RERE: variants seen among roughly 807,000 people sequenced by gnomAD.
RERE encodes arginine-glutamic acid dipeptide repeats protein.
In RERE, 40 loss-of-function variants were observed where a neutral mutation model predicts 146.1. The ratio of observed to expected loss-of-function variants is 0.27; its 90% CI spans 0.21 to 0.36. The LOEUF (loss-of-function observed/expected upper bound fraction) is 0.36, where lower values mean the gene tolerates loss of function less well. Among genes scored for constraint, RERE ranks in the 10% least tolerant of loss-of-function variants. The pLI, the probability that RERE is intolerant of heterozygous loss-of-function variation, is 1.00. For missense variants in RERE, 1,933 were observed against 2,138.7 expected, an observed-to-expected ratio of 0.90 and a Z score of 1.90; for synonymous variants, 1,003 against 866.0, an observed-to-expected ratio of 1.16 and a Z score of -2.78.
intron 7 of RERE, among the ~76,000 whole-genome samples, chr1:8,538,742 G>A (rs1645758968): frequency 6.6e-6 from 1 of 152,228 alleles, no homozygotes; most frequent in Admixed American, 6.5e-5. Flanking sequence ...AAAGCAGAAG[G>A]TGGACATAGG....
At chr1:8,736,205 G>C (rs1419289815) in intron 1 of RERE, among the ~76,000 whole-genome samples, 1 of 151,990 alleles carries the variant, frequency 6.6e-6, no homozygotes, top group African/African-American at 2.4e-5. Context: ...TTGTTTGTTT[G>C]TTTGTTTGTT....
chr1:8,722,069 C>T (rs1457530998), intron 1 of RERE, among the ~76,000 whole-genome samples: 1 of 152,202 alleles, frequency 6.6e-6, no homozygotes, highest in Non-Finnish European at 1.5e-5. Context: ...ATGAAGCCAA[C>T]CTCCTCTACT....
intron 10 of RERE, among the ~76,000 whole-genome samples, chr1:8,470,813 C>T (rs1238677053): frequency 1.3e-4 from 10 of 74,568 alleles, no homozygotes; most frequent in East Asian, 4.5e-4. Flanking sequence ...AAAGAAATAC[C>T]TTTTTTTTTT....
chr1:8,814,005 A>G (rs1344053775), intron 1 of RERE, among the ~76,000 whole-genome samples: 3 of 152,196 alleles, frequency 2.0e-5, no homozygotes, highest in Non-Finnish European at 4.4e-5. Context: ...GATTTGGATT[A>G]CCTTTTTGTT....
intron 11 of RERE, among the ~76,000 whole-genome samples, chr1:8,431,774 T>C (rs949657283): frequency 6.6e-6 from 1 of 152,210 alleles, no homozygotes; most frequent in Admixed American, 6.5e-5. Flanking sequence ...ATTAACCTCA[T>C]GGGCCTAGCA....
At chr1:8,509,634 G>A (rs572353382) in intron 7 of RERE, among the ~76,000 whole-genome samples, 3 of 151,982 alleles carry the variant, frequency 2.0e-5, no homozygotes, top group East Asian at 3.9e-4. Context: ...ACAGAGTGAC[G>A]CCATCTCTAC....
At position 8,520,754 on chromosome 1, in the gene RERE, T is replaced by TA. The variant is rs145670197; in HGVS notation, c.831-12080dup. Among the ~76,000 whole-genome samples the TA allele has an allele frequency of 1.5e-3, 136 of 92,976 alleles. 2 individuals carry two copies. The highest frequency in any genetic ancestry group is 2.8e-3 in the South Asian group (7 of 2,532). 61.0% of individuals were successfully genotyped at this position (92,976 alleles called of 152,430 possible). On this transcript the variant is annotated intron_variant, in intron 7 of 22. Coordinates refer to ENST00000400908, the MANE Select transcript of RERE (RefSeq NM_001042681.2). ...ATGGAGATTCAGCCAAAAAACTTTT[T>TA]AAAAAAAAAAAAAAAAAAAAAACCA...
Position 8,356,803 on chromosome 1 carries a change from A to G in RERE, c.4340-557T>C, listed in dbSNP as rs927687745. ...CGTTGCCTTGATCTGACCTCACTGCACCACCTCCTGCCCTCACCTCCTATC... is the reference window on the plus strand; with the variant it reads ...CGTTGCCTTGATCTGACCTCACTGCGCCACCTCCTGCCCTCACCTCCTATC... On this transcript the variant is annotated intron_variant, in intron 20 of 22. Coordinates refer to ENST00000400908, the MANE Select transcript of RERE (RefSeq NM_001042681.2). The surrounding 1 kb of genome is among the most constrained non-coding windows in gnomAD (Gnocchi z 5.2). Among the ~76,000 whole-genome samples the G allele has an allele frequency of 6.6e-6, 1 of 152,042 alleles. No individual in the cohort carries two copies. The highest frequency in any genetic ancestry group is 2.4e-5 in the African/African-American group (1 of 41,372).
At chr1:8,609,077 G>GCA (rs1179772054) in intron 4 of RERE, among the ~76,000 whole-genome samples, 18 of 152,132 alleles carry the variant, frequency 1.2e-4, no homozygotes, top group East Asian at 1.9e-4. Flanking sequence ...AATTAGCCAG[G>GCA]TGTGGTGGCA....
intron 7 of RERE, among the ~76,000 whole-genome samples, chr1:8,535,029 G>T (rs185200747): frequency 8.7e-4 from 132 of 152,168 alleles, no homozygotes; most frequent in Non-Finnish European, 1.4e-3. Context: ...ACTTGAGCCC[G>T]GGAGGATCAC....
intron 1 of RERE, among the ~76,000 whole-genome samples, chr1:8,703,827 C>G (rs1639510151): frequency 6.6e-6 from 1 of 152,186 alleles, no homozygotes; most frequent in Non-Finnish European, 1.5e-5. Flanking sequence ...ACAAGCTAAA[C>G]ATTTATTTCA....
At chr1:8,714,611 A>C (rs182137620) in intron 1 of RERE, among the ~76,000 whole-genome samples, 55 of 152,312 alleles carry the variant, frequency 3.6e-4, no homozygotes, top group Admixed American at 1.6e-3. Flanking sequence ...ATGAAAAATG[A>C]TCTGAGAGTC....
At chr1:8,609,501 C>T (rs1646764783) in intron 4 of RERE, among the ~76,000 whole-genome samples, 1 of 152,184 alleles carries the variant, frequency 6.6e-6, no homozygotes, top group East Asian at 1.9e-4. Context: ...ATATCTTTCA[C>T]TAAAATCAAA....
chr1:8,619,215 C>T (rs1346552726), intron 3 of RERE, among the ~76,000 whole-genome samples: 3 of 152,132 alleles, frequency 2.0e-5, no homozygotes, highest in Admixed American at 6.5e-5. Context: ...AATGATACAG[C>T]GGCATTCTCA....
chr1:8,539,625 T>C (rs529252499), intron 7 of RERE, among the ~76,000 whole-genome samples: 1 of 152,224 alleles, frequency 6.6e-6, no homozygotes, highest in African/African-American at 2.4e-5. Context: ...AGGCTGGTCT[T>C]AAACTCCTGA....
chr1:8,390,629 CCTTT>C lies in RERE; in HGVS notation c.1285-24659_1285-24656del, dbSNP rs747071504. Among the ~76,000 whole-genome samples the C allele has an allele frequency of 7.7e-4, 111 of 143,538 alleles. 1 individual carries two copies. The highest frequency in any genetic ancestry group is 8.9e-4 in the African/African-American group (34 of 37,994). 94.2% of individuals were successfully genotyped at this position (143,538 alleles called of 152,430 possible). ...AAGTCCAAAATTCTCCCAACTAATT[CCTTT>C]CTATCTAGTAAATATTTTAAAACTA... On this transcript the variant is annotated intron_variant, in intron 12 of 22. Transcript: ENST00000400908.
intron 12 of RERE, among the ~76,000 whole-genome samples, chr1:8,369,523 A>T (rs549037568): frequency 0.032 from 4,775 of 149,310 alleles, 353 homozygotes; most frequent in African/African-American, 0.11. Context: ...AAAAAAAAAA[A>T]AAAAAAAAAA....
chr1:8,700,629 T>C (rs1456063765), intron 1 of RERE, among the ~76,000 whole-genome samples: 1 of 152,138 alleles, frequency 6.6e-6, no homozygotes, highest in Non-Finnish European at 1.5e-5. Flanking sequence ...TTTTGTACAA[T>C]GTAACGAGAG....
At chr1:8,543,156 T>C (rs893301527) in intron 6 of RERE, among the ~76,000 whole-genome samples, 3 of 152,196 alleles carry the variant, frequency 2.0e-5, no homozygotes, top group Non-Finnish European at 2.9e-5. Flanking sequence ...TAAGATCCAA[T>C]TCAAGGAAAA....
Sources: gnomAD v4.1 joint callset for allele counts (sites outside exome capture counted in the v4.1 genomes callset) on GRCh38, gnomAD v4.1.1 for gene constraint, Gnocchi (gnomAD v3.1) non-coding constraint, MANE v1.5 for transcripts, NCBI Gene and HGNC (gene_info 2026-07-23, HGNC 2026-07-21) for gene names.